The following CLVS1 variants were observed in gnomAD, a reference collection of about 807,000 sequenced individuals.
The protein encoded by CLVS1 is clavesin 1.
CLVS1 carries 10 observed loss-of-function variants against 33.1 expected under a neutral mutation model. The ratio of observed to expected loss-of-function variants is 0.30; its 90% confidence interval spans 0.19 to 0.51. The LOEUF (loss-of-function observed/expected upper bound fraction) is 0.51, where lower values mean the gene tolerates loss of function less well. CLVS1 is among the 20% of genes least tolerant of loss of function. CLVS1 has a pLI of 0.97. For missense variants in CLVS1, 343 were observed against 433.4 expected, an observed-to-expected ratio of 0.79 and a Z score of 1.85; for synonymous variants, 163 against 166.1, an observed-to-expected ratio of 0.98 and a Z score of 0.14.
intron 2 of CLVS1, among the ~76,000 whole-genome samples, chr8:61,343,509 C>G (rs1812098809): frequency 6.6e-6 from 1 of 152,124 alleles, no homozygotes. Context: ...ATCTCCAGAG[C>G]TAAAGACAAT....
At chr8:61,121,247 G>A (rs909304017) in intron 1 of CLVS1, among the ~76,000 whole-genome samples, 14 of 152,118 alleles carry the variant, frequency 9.2e-5, no homozygotes, top group African/African-American at 2.9e-4. Context: ...CACGGTGCGC[G>A]CACCCACTGA....
At chr8:61,485,557 A>G (rs1170095192) in intron 5 of CLVS1, among the ~76,000 whole-genome samples, 1 of 152,244 alleles carries the variant, frequency 6.6e-6, no homozygotes, top group African/African-American at 2.4e-5. Flanking sequence ...ATGATCTAGA[A>G]CTGGAAATAC....
At chr8:61,478,707 T>G (rs1034346442) in intron 5 of CLVS1, among the ~76,000 whole-genome samples, 1 of 152,176 alleles carries the variant, frequency 6.6e-6, no homozygotes, top group Non-Finnish European at 1.5e-5. Context: ...GAGCCTATGT[T>G]TGTCTCTGCA....
intron 5 of CLVS1, among the ~76,000 whole-genome samples, chr8:61,474,923 T>A (rs1485589457): frequency 6.6e-6 from 1 of 152,158 alleles, no homozygotes; most frequent in Non-Finnish European, 1.5e-5. Context: ...ATTAGGTATA[T>A]CTCCTAATGC....
the CLVS1 span, among the ~76,000 whole-genome samples, chr8:60,973,205 C>T: frequency 2.0e-5 from 3 of 152,236 alleles, no homozygotes; most frequent in African/African-American, 7.2e-5. Context: ...TGTCACACTG[C>T]GCAAGTTAAA....
At chr8:61,014,348 C>G in the CLVS1 span, among the ~76,000 whole-genome samples, 11 of 152,160 alleles carry the variant, frequency 7.2e-5, no homozygotes, top group African/African-American at 2.7e-4. Flanking sequence ...GAGCATGTCT[C>G]CAAATGTAAT....
intron 1 of CLVS1, among the ~76,000 whole-genome samples, chr8:61,105,935 G>T (rs974448135): frequency 1.3e-5 from 2 of 152,096 alleles, no homozygotes; most frequent in Admixed American, 6.5e-5. Flanking sequence ...CCCGCCCTGC[G>T]TCTGTCTGCC....
intron 2 of CLVS1, among the ~76,000 whole-genome samples, chr8:61,185,738 C>A (rs1258409939): frequency 3.9e-5 from 6 of 152,118 alleles, no homozygotes; most frequent in Non-Finnish European, 7.4e-5. Flanking sequence ...ACCAGACAGT[C>A]ATTTACTTGT....
At chr8:61,414,911 T>A (rs938272407) in intron 3 of CLVS1, among the ~76,000 whole-genome samples, 7 of 152,230 alleles carry the variant, frequency 4.6e-5, no homozygotes, top group Admixed American at 1.3e-4. Context: ...AACAGGCAAT[T>A]TATTAACATA....
the CLVS1 span, among the ~76,000 whole-genome samples, chr8:61,036,920 C>T: frequency 2.0e-5 from 3 of 152,178 alleles, no homozygotes; most frequent in Non-Finnish European, 4.4e-5. Flanking sequence ...TATTTCTAAA[C>T]ACCCATCGTG....
chr8:61,476,834 G>A (rs1369261772), intron 5 of CLVS1, among the ~76,000 whole-genome samples: 1 of 152,168 alleles, frequency 6.6e-6, no homozygotes, highest in African/African-American at 2.4e-5. Flanking sequence ...CCAACACTAT[G>A]TTGAATAGGA....
chr8:61,483,771 C>G (rs952085858), intron 5 of CLVS1, among the ~76,000 whole-genome samples: 12 of 152,178 alleles, frequency 7.9e-5, no homozygotes, highest in South Asian at 2.1e-4. Context: ...TGCTTCATCC[C>G]TGGGATGCAA....
At chr8:61,095,009 A>G (rs530050918) in intron 1 of CLVS1, among the ~76,000 whole-genome samples, 1 of 152,352 alleles carries the variant, frequency 6.6e-6, no homozygotes, top group African/African-American at 2.4e-5. Flanking sequence ...ATTAGTTAAT[A>G]CTTTGTAATA....
chr8:61,283,723 A>G (rs999299173), upstream of CLVS1, among the ~76,000 whole-genome samples: 2 of 152,172 alleles, frequency 1.3e-5, no homozygotes, highest in Non-Finnish European at 2.9e-5. Flanking sequence ...ATTAAACTTC[A>G]TTGTATCAAG....
intron 2 of CLVS1, among the ~76,000 whole-genome samples, chr8:61,222,490 G>A (rs1808237872): frequency 6.6e-6 from 1 of 152,030 alleles, no homozygotes; most frequent in African/African-American, 2.4e-5. Context: ...GTTTCTATGA[G>A]TGAGTTTCTT....
At chr8:61,324,733 A>G (rs1477952580) in intron 2 of CLVS1, among the ~76,000 whole-genome samples, 2 of 152,134 alleles carry the variant, frequency 1.3e-5, no homozygotes, top group East Asian at 3.9e-4. Context: ...TCTCATATGG[A>G]GATGAGGAAT....
Position 61,317,878 on chromosome 8 carries a change from G to T in CLVS1, c.455+17596G>T, listed in dbSNP as rs150383445. On this transcript the variant is annotated intron_variant, in intron 2 of 5. Coordinates refer to ENST00000325897, the MANE Select transcript of CLVS1 (RefSeq NM_173519.3). Reference sequence around the variant, plus strand: ...CATTGTATCATTATTCAACACCATGGTTACTATTATTGTTTGTTATTACTT... The same window carrying T: ...CATTGTATCATTATTCAACACCATGTTTACTATTATTGTTTGTTATTACTT... Among the ~76,000 whole-genome samples the T allele has an allele frequency of 1.8e-4, 27 of 152,146 alleles. No homozygotes were observed. In the East Asian group the frequency reaches 4.1e-3, roughly 23 times the overall value.
At chr8:61,029,370 G>A in the CLVS1 span, among the ~76,000 whole-genome samples, 1 of 152,184 alleles carries the variant, frequency 6.6e-6, no homozygotes, top group African/African-American at 2.4e-5. Flanking sequence ...TCAACTGTGG[G>A]AGAAGAACAG....
At chr8:61,160,721 C>T (rs11985596) in intron 2 of CLVS1, among the ~76,000 whole-genome samples, 2,610 of 152,000 alleles carry the variant, frequency 0.017, 77 homozygotes, top group African/African-American at 0.06. Context: ...TTTGTTGAGT[C>T]CAGTTAAATA....
Sources: gnomAD v4.1 joint callset for allele counts (sites outside exome capture counted in the v4.1 genomes callset) on GRCh38, gnomAD v4.1.1 for gene constraint, MANE v1.5 for transcripts, NCBI Gene and HGNC (gene_info 2026-07-23, HGNC 2026-07-21) for gene names.